Variants in CACNA1A observed in about 807,000 individuals in gnomAD.
The protein encoded by CACNA1A is calcium voltage-gated channel subunit alpha1 A, also known as voltage-dependent P/Q-type calcium channel subunit alpha-1A.
A neutral mutation model predicts 262.4 loss-of-function variants in CACNA1A; 57 were observed. The ratio of observed to expected loss-of-function variants is 0.22; its 90% CI spans 0.18 to 0.27. The LOEUF is 0.27. CACNA1A is among the 10% of genes least tolerant of loss of function. The pLI, the probability that CACNA1A is intolerant of heterozygous loss-of-function variation, is 1.00. For missense variants in CACNA1A, 2,526 were observed against 3,562.8 expected (o/e 0.71, Z 7.41); for synonymous variants, 1,431 against 1,419.3 (o/e 1.01, Z -0.18).
intron 1 of CACNA1A, among the ~76,000 whole-genome samples, chr19:13,472,838 C>T (rs547569736): frequency 4.0e-4 from 61 of 152,304 alleles, no homozygotes; most frequent in African/African-American, 1.4e-3. Context: ...CCTCTGGAGC[C>T]TCTGGCCATG....
intron 22 of CACNA1A, 63 bp downstream of exon 22, chr19:13,283,204 C>A: frequency 6.3e-7 from 1 of 1,582,378 alleles, no homozygotes. Flanking sequence ...ATTTTGGATG[C>A]AGGAGAAAGT....
At chr19:13,250,593 T>C (rs564260756) in intron 30 of CACNA1A, among the ~76,000 whole-genome samples, 1 of 152,072 alleles carries the variant, frequency 6.6e-6, no homozygotes, top group South Asian at 2.1e-4. Flanking sequence ...AGATGGGGTT[T>C]CACCATGTTG....
At chr19:13,290,384 GTGTGTGTGTC>G (rs76174642) in intron 19 of CACNA1A, among the ~76,000 whole-genome samples, 12,599 of 151,690 alleles carry the variant, frequency 0.083, 562 homozygotes, top group South Asian at 0.14. Context: ...TCTGTAATGT[GTGTGTGTGTC>G]TGTGTGTGTC....
intron 1 of CACNA1A, among the ~76,000 whole-genome samples, chr19:13,497,511 AAAAAAAAAAAATATATATATATATATAT>A (rs1981736339): frequency 2.2e-5 from 1 of 45,268 alleles, no homozygotes; most frequent in African/African-American, 9.0e-5. Context: ...AAAAAAAAAA[AAAAAAAAAAAATATATATATATATATAT>A]ATATATATAT....
chr19:13,488,316 G>A (rs1297498928), intron 1 of CACNA1A, among the ~76,000 whole-genome samples: 1 of 151,864 alleles, frequency 6.6e-6, no homozygotes, highest in Admixed American at 6.6e-5. Context: ...CCCACTCCAG[G>A]GGAAGCCCTG....
chr19:13,237,851 A>T (rs1436415403), intron 31 of CACNA1A, among the ~76,000 whole-genome samples: 3 of 152,124 alleles, frequency 2.0e-5, no homozygotes, highest in Admixed American at 2.0e-4. Context: ...CTCCCGTTCA[A>T]CCCCAGAGTA....
chr19:13,304,938 T>C (rs774466165), intron 15 of CACNA1A, among the ~76,000 whole-genome samples: 4 of 152,206 alleles, frequency 2.6e-5, no homozygotes, highest in Non-Finnish European at 5.9e-5. Context: ...GTGTTCCTCA[T>C]GTGGTCATGG....
At chr19:13,228,919 G>T (rs1335629923) in intron 36 of CACNA1A, 2 of 519,002 alleles carry the variant, frequency 3.9e-6, no homozygotes, top group Admixed American at 7.2e-5. Context: ...AGAGACTGGG[G>T]ACAAGTGAAG....
rs570091254 is a variant in CACNA1A at position 13,289,489 on chromosome 19, G to A, written c.3090-2523C>T. On this transcript the variant is annotated intron_variant, in intron 19 of 46. Transcript: ENST00000360228. ...CTAGCTGTGCAACCCTGTGTGATTT[G>A]CTTAACCTCTCTGAGCCTTAGTTCC... 9.8e-4 allele frequency among the ~76,000 whole-genome samples: 149 copies of A among 152,230 alleles called. 3 individuals are homozygous for A. The South Asian group carries it at 0.012, about 12-fold the overall frequency.
At chr19:13,246,486 G>C (rs2056238176) in intron 30 of CACNA1A, among the ~76,000 whole-genome samples, 1 of 152,128 alleles carries the variant, frequency 6.6e-6, no homozygotes, top group African/African-American at 2.4e-5. Context: ...CTTCCCTGCT[G>C]AATGTAAAAA....
intron 3 of CACNA1A, among the ~76,000 whole-genome samples, chr19:13,418,802 A>G (rs1013279560): frequency 6.6e-6 from 1 of 152,212 alleles, no homozygotes; most frequent in Non-Finnish European, 1.5e-5. Flanking sequence ...ATGTTTTGAT[A>G]TGTTTTGATC....
At chr19:13,234,881 C>T (rs2055821331) in intron 34 of CACNA1A, 40 bp downstream of exon 34, 7 of 1,398,400 alleles carry the variant, frequency 5.0e-6, no homozygotes, top group East Asian at 2.3e-5. Context: ...GGCACCCCAC[C>T]CCACGGAAAC....
intron 43 of CACNA1A, chr19:13,210,882 G>T: frequency 1.7e-6 from 1 of 591,740 alleles, no homozygotes; most frequent in Non-Finnish European, 3.0e-6. Context: ...ATTCCCATGG[G>T]TACAGAGGAG....
At chr19:13,252,383 TTTTC>T (rs776170805) in intron 30 of CACNA1A, 36 of 151,780 alleles carry the variant, frequency 2.4e-4, no homozygotes, top group African/African-American at 5.6e-4. Flanking sequence ...CTGATTTCAG[TTTTC>T]TTTCTTTCTT....
chr19:13,438,366 G>C (rs1454017579), intron 3 of CACNA1A, among the ~76,000 whole-genome samples: 1 of 152,228 alleles, frequency 6.6e-6, no homozygotes, highest in Non-Finnish European at 1.5e-5. Context: ...ACGATGTTGT[G>C]CCATTCCTGG....
At chr19:13,281,760 C>T (rs939841323) in intron 22 of CACNA1A, among the ~76,000 whole-genome samples, 8 of 152,190 alleles carry the variant, frequency 5.3e-5, no homozygotes, top group Non-Finnish European at 1.0e-4. Context: ...GTGGTGTGAA[C>T]GTTATGGGGC....
At position 13,409,546 on chromosome 19, in the gene CACNA1A, G is replaced by T. The variant is rs146367266; in HGVS notation, c.540-37767C>A. 3.7e-3 allele frequency among the ~76,000 whole-genome samples: 559 copies of T among 152,142 alleles called. 8 individuals carry two copies. Among genetic ancestry groups the T allele is most frequent in the African/African-American group, 0.013 (524 of 41,508 alleles). The stretch of plus-strand genomic sequence containing the variant: ...CCTCAAATAATAATAAGAAGAAGAA[G>T]AATAAGAATTTCTTTTTGAGGCAGG... On this transcript the variant is annotated intron_variant, in intron 3 of 46. Transcript: ENST00000360228.
At chr19:13,457,509 A>G (rs2061035561) in intron 1 of CACNA1A, among the ~76,000 whole-genome samples, 1 of 152,186 alleles carries the variant, frequency 6.6e-6, no homozygotes, top group Admixed American at 6.5e-5. Flanking sequence ...TGAATGGATA[A>G]ACAAAATGTG....
chr19:13,338,539 T>C lies in CACNA1A; in HGVS notation c.979-2630A>G, dbSNP rs1403003727. ...TGCAAACAATCCACACTGTTATCAA[T>C]AGGAGAGAGAGGATACATGCAATGA... On this transcript the variant is annotated intron_variant, in intron 6 of 46. Coordinates refer to ENST00000360228, the MANE Select transcript of CACNA1A (RefSeq NM_001127222.2). 3.7e-5 allele frequency among the ~76,000 whole-genome samples: 5 copies of C among 135,194 alleles called. No individual in the cohort carries two copies. In the East Asian group the frequency reaches 8.6e-4, roughly 23 times the overall value. The allele number at this position is 135,194 out of a possible 152,430, so 88.7% of individuals were successfully genotyped here.
Sources: gnomAD v4.1 joint callset for allele counts (sites outside exome capture counted in the v4.1 genomes callset) on GRCh38, gnomAD v4.1.1 for gene constraint, MANE v1.5 for transcripts, NCBI Gene and HGNC (gene_info 2026-07-23, HGNC 2026-07-21) for gene names.